MMEL1: variants seen among roughly 807,000 people sequenced by gnomAD.
The protein encoded by MMEL1 is membrane metallo-endopeptidase-like 1.
MMEL1 carries 98 observed loss-of-function variants against 117.1 expected under a neutral mutation model. The ratio of observed to expected loss-of-function variants is 0.84; its 90% CI spans 0.71 to 0.99. MMEL1 has a LOEUF of 0.99. Ranked by LOEUF, MMEL1 falls within the 50% of genes least tolerant of loss-of-function variation. The pLI is 0.00. For missense variants in MMEL1, 1,014 were observed against 1,049.1 expected, an observed-to-expected ratio of 0.97 and a Z score of 0.46; for synonymous variants, 390 against 415.1, an observed-to-expected ratio of 0.94 and a Z score of 0.74.
intron 2 of MMEL1, among the ~76,000 whole-genome samples, chr1:2,627,792 G>A (rs1310168865): frequency 6.6e-6 from 1 of 152,194 alleles, no homozygotes; most frequent in Non-Finnish European, 1.5e-5. Flanking sequence ...CTGGACTGAG[G>A]CCAAGGTCAG....
Position 2,596,652 on chromosome 1 carries a change from C to T in MMEL1, c.1310G>A (p.Arg437His), listed in dbSNP as rs150030274. The T allele has an allele frequency of 6.8e-6, 11 of 1,613,108 alleles. No individual in the cohort carries two copies. The highest frequency in any genetic ancestry group is 6.7e-5 in the East Asian group (3 of 44,856). Residue 437 changes from arginine (R) to histidine (H), a missense_variant, in exon 14 of 24, where the codon CGT becomes CAT. Transcript: ENST00000378412. The part of the protein sequence containing the change: ...FGTMVEEVRW[R>H]ECVGYVNSNM... The stretch of plus-strand genomic sequence containing the variant: ...GCTGTTGACGTAGCCCACACATTCA[C>T]GCCAGCGCACCTCCTCCACCATTGT...
chr1:2,600,633 C>T (rs1644916163), intron 11 of MMEL1, among the ~76,000 whole-genome samples: 2 of 152,128 alleles, frequency 1.3e-5, no homozygotes, highest in South Asian at 4.1e-4. Context: ...CTGCAGTGAG[C>T]CATGACTGTG....
intron 5 of MMEL1, 45 bp from the exon 6 acceptor site, chr1:2,609,464 AG>A (rs1440155964): frequency 1.3e-6 from 2 of 1,583,530 alleles, no homozygotes; most frequent in African/African-American, 1.3e-5. Flanking sequence ...ACGAGGCTGC[AG>A]GGGCCAGGTC....
At chr1:2,608,444 C>A (rs1045824925) in intron 6 of MMEL1, among the ~76,000 whole-genome samples, 2 of 152,106 alleles carry the variant, frequency 1.3e-5, no homozygotes, top group Non-Finnish European at 2.9e-5. Flanking sequence ...CATCCACATA[C>A]ATCCACATGC....
In MMEL1 at chr1:2,590,693, A is replaced by G. The variant is rs189279989; in HGVS notation, c.*297T>C. ...CTGAAGCTGTAGATACTGGAAGACA[A>G]TGCACCTTGGAGGGTGGGCAGGACA... On this transcript the variant is annotated 3_prime_UTR_variant, in exon 24 of 24. Coordinates refer to ENST00000378412, the MANE Select transcript of MMEL1 (RefSeq NM_033467.4). The G allele has an allele frequency of 2.4e-3, 859 of 363,098 alleles. 4 individuals carry two copies. Among genetic ancestry groups the G allele is most frequent in the Admixed American group, 5.7e-3 (121 of 21,346 alleles). 22.5% of individuals were successfully genotyped at this position (363,098 alleles called of 1,614,324 possible). A position where few individuals can be genotyped will look rare whatever the true frequency, so the allele number is the denominator to read the frequency against.
chr1:2,615,986 G>A (rs771485341), intron 2 of MMEL1, among the ~76,000 whole-genome samples: 7 of 152,192 alleles, frequency 4.6e-5, no homozygotes, highest in Non-Finnish European at 1.0e-4. Context: ...TAGTCAAACT[G>A]TGGAGGACTA....
chr1:2,622,883 C>CAAA (rs60522932), intron 2 of MMEL1, among the ~76,000 whole-genome samples: 1 of 104,086 alleles, frequency 9.6e-6, no homozygotes. Context: ...AACTCTGTCT[C>CAAA]AAAAAAAAAA....
At chr1:2,619,462 A>T (rs1398538046) in intron 2 of MMEL1, among the ~76,000 whole-genome samples, 1 of 152,190 alleles carries the variant, frequency 6.6e-6, no homozygotes, top group African/African-American at 2.4e-5. Flanking sequence ...GTTTGAGACC[A>T]GCCTGGCCAA....
intron 2 of MMEL1, among the ~76,000 whole-genome samples, chr1:2,629,091 G>A (rs930918508): frequency 2.6e-5 from 4 of 152,100 alleles, no homozygotes; most frequent in African/African-American, 9.7e-5. Context: ...GCGCGCGGGA[G>A]TCGGGGCCGG....
chr1:2,604,326 A>G (rs1371113286), intron 9 of MMEL1, 45 bp from the exon 10 acceptor site: 4 of 1,603,654 alleles, frequency 2.5e-6, no homozygotes, highest in Non-Finnish European at 2.6e-6. Flanking sequence ...CTCAGCCACC[A>G]TGGCCCCCAG....
rs147088948 is a variant in MMEL1, at chr1:2,591,573, T to C, written c.2224A>G (p.Ser742Gly). 1,489 of 1,613,676 alleles carry C rather than the reference T, an allele frequency of 9.2e-4. 1 individual carries two copies. Among genetic ancestry groups the C allele is most frequent in the Non-Finnish European group, 1.2e-3 (1,417 of 1,179,874 alleles). ...AIQSIKTDVH[S>G]PLKYRVLGSL... ...GAGACTTGCCTGTACTTCAGGGGAC[T>C]GTGGACGTCTGTCTTGATGGATTGG... The change falls in exon 23 of 24, where the codon AGT (serine) becomes GGT (glycine). Residue 742 changes from serine (S) to glycine (G), a missense_variant. Transcript: ENST00000378412.
intron 11 of MMEL1, 50 bp downstream of exon 11, chr1:2,603,834 C>G (rs1644973220): frequency 1.9e-6 from 3 of 1,557,402 alleles, no homozygotes; most frequent in Non-Finnish European, 1.8e-6. Flanking sequence ...CCATGTCCCC[C>G]ACGAGTCTCC....
chr1:2,593,196 C>T lies in MMEL1; in HGVS notation c.1868-230G>A, dbSNP rs371093513. Among the ~76,000 whole-genome samples, 4 of 152,328 alleles carry T rather than the reference C, an allele frequency of 2.6e-5. 1 individual carries two copies. The highest frequency in any genetic ancestry group is 2.4e-5 in the African/African-American group (1 of 41,576). On this transcript the variant is annotated intron_variant, in intron 19 of 23. Coordinates refer to ENST00000378412, the MANE Select transcript of MMEL1 (RefSeq NM_033467.4). ...GGAGGGCTTCAGTGGTCTCCCATGC[C>T]ACCCCCTGAGGCTAGGGCCTAGCAC...
rs1348587917 is a variant in MMEL1, at chr1:2,595,897, C to A, written c.1500+112G>T. The A allele has an allele frequency of 2.4e-6, 2 of 823,686 alleles. No homozygotes were observed. Among genetic ancestry groups the A allele is most frequent in the Admixed American group, 2.1e-5 (1 of 47,482 alleles). 51.0% of individuals were successfully genotyped at this position (823,686 alleles called of 1,614,324 possible). A position where few individuals can be genotyped will look rare whatever the true frequency, so the allele number is the denominator to read the frequency against. On this transcript the variant is annotated intron_variant, in intron 15 of 23. Coordinates refer to ENST00000378412, the MANE Select transcript of MMEL1 (RefSeq NM_033467.4). This position sits in a 1 kb window ranked among gnomAD's most constrained non-coding sequence, Gnocchi z 4.8. ...CCTTCTCCCCGTGGGGTCCTGTCTG[C>A]GCCTCCCGGGGCTGCCTTCTCCCCG... is the stretch of plus-strand genomic sequence containing the variant.
At chr1:2,602,510 C>T (rs1005980671) in intron 11 of MMEL1, among the ~76,000 whole-genome samples, 16 of 152,202 alleles carry the variant, frequency 1.1e-4, no homozygotes, top group East Asian at 3.9e-4. Context: ...ACCTCCACCA[C>T]GGGCACCCCC....
intron 18 of MMEL1, chr1:2,594,166 G>A: frequency 2.6e-6 from 2 of 771,210 alleles, no homozygotes; most frequent in Non-Finnish European, 2.1e-6. Flanking sequence ...TGTTCTGCCT[G>A]CAGGAAAGGC....
chr1:2,609,699 A>T lies in MMEL1; in HGVS notation c.425T>A (p.Leu142His), dbSNP rs752388843. The change falls in exon 5 of 24, where the codon CTC becomes CAC. Residue 142 changes from leucine to histidine, a missense_variant. Coordinates refer to ENST00000378412, the MANE Select transcript of MMEL1 (RefSeq NM_033467.4). ...GAGGATGACCTCCAGCTCGTCGCGG[A>T]GGACGTCAAAGATGCTGTATCTTGA... The part of the protein sequence containing the change: ...TNSRYSIFDV[L>H]RDELEVILKA... 6.8e-6 allele frequency: 11 copies of T among 1,612,684 alleles called. No individual in the cohort carries two copies. In the African/African-American group the frequency reaches 1.2e-4, roughly 18 times the overall value.
At chr1:2,631,745 C>A (rs1638598493) in intron 1 of MMEL1, among the ~76,000 whole-genome samples, 1 of 152,150 alleles carries the variant, frequency 6.6e-6, no homozygotes, top group African/African-American at 2.4e-5. Flanking sequence ...CTGGCTGAAG[C>A]TGGACTTTGG....
rs914147602 is a variant in MMEL1 at position 2,611,173 on chromosome 1, C to T, written c.292+108G>A. 8 of 1,132,318 alleles carry T rather than the reference C, an allele frequency of 7.1e-6. No individual in the cohort carries two copies. The South Asian group carries it at 8.6e-5, about 12-fold the overall frequency. 70.1% of individuals were successfully genotyped at this position (1,132,318 alleles called of 1,614,324 possible). On this transcript the variant is annotated intron_variant, in intron 4 of 23. Transcript: ENST00000378412. ...CCGGCCCACCCGGCTCCACCGCCCG[C>T]CGTGTCTTGGAGTTGCTTCCCTGGG...
Sources: gnomAD v4.1 joint callset for allele counts (sites outside exome capture counted in the v4.1 genomes callset) on GRCh38, gnomAD v4.1.1 for gene constraint, Gnocchi (gnomAD v3.1) non-coding constraint, MANE v1.5 for transcripts, NCBI Gene and HGNC (gene_info 2026-07-23, HGNC 2026-07-21) for gene names.